The following ZNF804B variants were observed in gnomAD, a reference collection of about 807,000 sequenced individuals.
ZNF804B encodes the protein zinc finger 804B.
ZNF804B carries 80 observed loss-of-function variants against 101.4 expected under a neutral mutation model. That is an observed-to-expected ratio of 0.79 (90% CI 0.66 to 0.95). ZNF804B has a LOEUF of 0.95. Among genes scored for constraint, ZNF804B ranks in the 40% least tolerant of loss-of-function variants. The pLI is 0.00. For synonymous variants in ZNF804B, 622 were observed against 558.8 expected (o/e 1.11, Z -1.59); for missense variants, 1,673 against 1,561.9 (o/e 1.07, Z -1.20).
At chr7:89,214,638 A>G (rs1350442595) in intron 1 of ZNF804B, among the ~76,000 whole-genome samples, 2 of 152,182 alleles carry the variant, frequency 1.3e-5, no homozygotes, top group Non-Finnish European at 2.9e-5. Context: ...TGTGAGAGAG[A>G]CATTAACTTC....
intron 1 of ZNF804B, among the ~76,000 whole-genome samples, chr7:88,772,708 A>T (rs1309407330): frequency 2.0e-5 from 3 of 152,190 alleles, no homozygotes; most frequent in Non-Finnish European, 2.9e-5. Flanking sequence ...GTGCTGTTTC[A>T]TGAGGCAAGG....
At chr7:88,854,527 T>TTTCCTTTCCTTTCCTTCCCCTTCC (rs1791519535) in intron 1 of ZNF804B, among the ~76,000 whole-genome samples, 4 of 40,076 alleles carry the variant, frequency 1.0e-4, no homozygotes, top group African/African-American at 4.2e-4. Context: ...CTTTCCTTCC[T>TTTCCTTTCCTTTCCTTCCCCTTCC]TTCCTTCCTT....
chr7:88,960,088 T>C (rs1459696095), intron 1 of ZNF804B, among the ~76,000 whole-genome samples: 1 of 151,530 alleles, frequency 6.6e-6, no homozygotes, highest in Non-Finnish European at 1.5e-5. Context: ...TTTCCCCTTT[T>C]TTAAATCAAA....
chr7:88,852,701 A>G (rs1791465726), intron 1 of ZNF804B, among the ~76,000 whole-genome samples: 1 of 152,116 alleles, frequency 6.6e-6, no homozygotes, highest in South Asian at 2.1e-4. Context: ...TCTTCATATA[A>G]ACATCAAATA....
intron 1 of ZNF804B, among the ~76,000 whole-genome samples, chr7:88,779,949 T>C (rs1790197978): frequency 6.6e-6 from 1 of 152,170 alleles, no homozygotes; most frequent in South Asian, 2.1e-4. Context: ...ACTGTCCAAC[T>C]GGTCATTCAT....
intron 1 of ZNF804B, among the ~76,000 whole-genome samples, chr7:88,814,165 T>C (rs1790837537): frequency 1.3e-5 from 2 of 152,198 alleles, no homozygotes; most frequent in South Asian, 4.1e-4. Context: ...GAAAACATTT[T>C]GTCAAGTGAA....
intron 2 of ZNF804B, among the ~76,000 whole-genome samples, chr7:89,285,197 C>A (rs921649310): frequency 6.6e-6 from 1 of 151,566 alleles, no homozygotes; most frequent in Non-Finnish European, 1.5e-5. Context: ...CAAGCTTGGG[C>A]AACAGAGCAA....
At chr7:88,857,404 G>C (rs878999091) in intron 1 of ZNF804B, among the ~76,000 whole-genome samples, 1 of 151,974 alleles carries the variant, frequency 6.6e-6, no homozygotes, top group Non-Finnish European at 1.5e-5. Context: ...GAATCAAATA[G>C]ATGCAATAAA....
At chr7:89,035,010 A>G (rs1788903382) in intron 1 of ZNF804B, among the ~76,000 whole-genome samples, 1 of 152,204 alleles carries the variant, frequency 6.6e-6, no homozygotes, top group Non-Finnish European at 1.5e-5. Context: ...ACAACTGCAC[A>G]TTGCACATTC....
intron 1 of ZNF804B, among the ~76,000 whole-genome samples, chr7:89,003,946 G>A (rs1788332099): frequency 6.6e-6 from 1 of 151,098 alleles, no homozygotes; most frequent in South Asian, 2.1e-4. Flanking sequence ...GTTTTGTATA[G>A]GCATTCTTAA....
At chr7:89,274,990 C>G (rs550504530) in intron 2 of ZNF804B, among the ~76,000 whole-genome samples, 1 of 151,912 alleles carries the variant, frequency 6.6e-6, no homozygotes, top group Non-Finnish European at 1.5e-5. Flanking sequence ...AGAAAACTCT[C>G]AAATGTGTAG....
intron 1 of ZNF804B, among the ~76,000 whole-genome samples, chr7:89,198,173 A>G (rs951901686): frequency 2.6e-5 from 4 of 151,888 alleles, no homozygotes; most frequent in Admixed American, 2.0e-4. Context: ...TTTAAGGCAT[A>G]TAGGTTAAAA....
At chr7:88,786,806 CACTTTTGATAAAAGTAAA>C (rs1790309285) in intron 1 of ZNF804B, among the ~76,000 whole-genome samples, 1 of 151,994 alleles carries the variant, frequency 6.6e-6, no homozygotes, top group Non-Finnish European at 1.5e-5. Context: ...GATTGCATAA[CACTTTTGATAAAAGTAAA>C]ATTAACCTTA....
chr7:89,304,551 GTCTA>G (rs934131878), intron 2 of ZNF804B, among the ~76,000 whole-genome samples: 1 of 151,560 alleles, frequency 6.6e-6, no homozygotes, highest in African/African-American at 2.4e-5. Context: ...GTATGTGTGT[GTCTA>G]TCTGTGTAGA....
chr7:89,081,163 T>A (rs1205687059), intron 1 of ZNF804B, among the ~76,000 whole-genome samples: 1 of 151,760 alleles, frequency 6.6e-6, no homozygotes, highest in African/African-American at 2.4e-5. Context: ...AGAAAAAAAG[T>A]CAGCCTTCTT....
At chr7:89,288,333 C>G (rs1790238177) in intron 2 of ZNF804B, among the ~76,000 whole-genome samples, 1 of 151,976 alleles carries the variant, frequency 6.6e-6, no homozygotes, top group Non-Finnish European at 1.5e-5. Flanking sequence ...GAGAAAGGGA[C>G]AGAATTAATA....
intron 1 of ZNF804B, among the ~76,000 whole-genome samples, chr7:89,087,085 A>G (rs1252571232): frequency 1.3e-5 from 2 of 151,174 alleles, no homozygotes; most frequent in East Asian, 1.9e-4. Flanking sequence ...AGGAAGCACA[A>G]TTTTCGAAGG....
chr7:89,082,183 G>A (rs1042512976), intron 1 of ZNF804B, among the ~76,000 whole-genome samples: 30 of 151,526 alleles, frequency 2.0e-4, no homozygotes, highest in South Asian at 4.1e-4. Context: ...ATAATATTAC[G>A]CTGATGAAAG....
At chr7:88,912,761 T>A (rs1037863018) in intron 1 of ZNF804B, among the ~76,000 whole-genome samples, 3 of 152,194 alleles carry the variant, frequency 2.0e-5, no homozygotes, top group African/African-American at 7.2e-5. Context: ...AATTATTTTT[T>A]AATATTTTTC....
Sources: allele counts gnomAD v4.1 joint callset (sites outside exome capture counted in the v4.1 genomes callset), GRCh38; gene constraint gnomAD v4.1.1; transcripts MANE v1.5; gene names NCBI Gene and HGNC (gene_info 2026-07-23, HGNC 2026-07-21).